The following NKD1 variants were observed in gnomAD, a reference collection of about 807,000 sequenced individuals.
NKD1 encodes the protein protein naked cuticle homolog 1.
Under a neutral mutation model 56.0 loss-of-function variants are expected in NKD1, and 21 were observed. That is an observed-to-expected ratio of 0.38 (90% CI 0.27 to 0.54). The LOEUF (loss-of-function observed/expected upper bound fraction) is 0.54. NKD1 is among the 20% of genes least tolerant of loss of function. The probability of loss-of-function intolerance (pLI) is 0.82; values close to 1 mark genes in which losing one functional copy is unlikely to be tolerated. For missense variants in NKD1, 578 were observed against 642.7 expected, an observed-to-expected ratio of 0.90 and a Z score of 1.09; for synonymous variants, 263 against 265.7, an observed-to-expected ratio of 0.99 and a Z score of 0.10.
At chr16:50,587,250 G>T (rs1245372895) in intron 3 of NKD1, among the ~76,000 whole-genome samples, 1 of 152,178 alleles carries the variant, frequency 6.6e-6, no homozygotes, top group Admixed American at 6.5e-5. Context: ...GGTAGATGGG[G>T]CCTGAGACTC....
At chr16:50,575,314 G>T (rs539665325) in intron 3 of NKD1, 1 of 985,390 alleles carries the variant, frequency 1.0e-6, no homozygotes, top group Non-Finnish European at 1.2e-6. Context: ...TTTTATAGGC[G>T]GGTGGTTCAC....
rs116894320 is a variant in NKD1, at chr16:50,623,631, A to G, written c.367-1854A>G. ...CCCAGGTGGGGTGTGGGAGAGGCCT[A>G]GGAGACCCGCATGTGACAGGTGGGA... is the stretch of plus-strand genomic sequence containing the variant. On this transcript the variant is annotated intron_variant, in intron 5 of 9. Transcript: ENST00000268459. The surrounding 1 kb of genome is among the most constrained non-coding windows in gnomAD (Gnocchi z 4.1). Among the ~76,000 whole-genome samples the G allele has an allele frequency of 1.2e-4, 19 of 152,158 alleles. No individual in the cohort carries two copies. The East Asian group carries it at 3.5e-3, about 28-fold the overall frequency.
intron 4 of NKD1, among the ~76,000 whole-genome samples, chr16:50,614,785 C>T (rs186099129): frequency 6.6e-6 from 1 of 152,266 alleles, no homozygotes. Context: ...GGTTAGATGA[C>T]AATCTTAATA....
rs1824674404 is a variant in NKD1, at chr16:50,623,442, G to C, written c.366+1734G>C. Among the ~76,000 whole-genome samples, 1 of 152,138 alleles carries C rather than the reference G, an allele frequency of 6.6e-6. No individual in the cohort carries two copies. Among genetic ancestry groups the C allele is most frequent in the African/African-American group, 2.4e-5 (1 of 41,434 alleles). ...CCTAAGCCCACCTGGGTCCTTGTAG[G>C]GTCTTTTGGGGAGCTTGGCAAAGCC... On this transcript the variant is annotated intron_variant, in intron 5 of 9. Transcript: ENST00000268459. This position sits in a 1 kb window ranked among gnomAD's most constrained non-coding sequence, Gnocchi z 4.1.
At chr16:50,578,857 T>C (rs964424952) in intron 3 of NKD1, among the ~76,000 whole-genome samples, 1 of 152,180 alleles carries the variant, frequency 6.6e-6, no homozygotes, top group Admixed American at 6.5e-5. Context: ...AATGTCACTA[T>C]GATCACCTGG....
At chr16:50,564,137 T>C (rs1041780437) in intron 3 of NKD1, among the ~76,000 whole-genome samples, 1 of 152,254 alleles carries the variant, frequency 6.6e-6, no homozygotes, top group African/African-American at 2.4e-5. Flanking sequence ...CCCTTCCTTG[T>C]AACATAGCTG....
At chr16:50,576,076 G>T (rs1244578635) in intron 3 of NKD1, among the ~76,000 whole-genome samples, 1 of 152,252 alleles carries the variant, frequency 6.6e-6, no homozygotes, top group Non-Finnish European at 1.5e-5. Context: ...CTGGGCTCAA[G>T]AATATTCTAG....
At chr16:50,554,656 A>G (rs1960462243) in intron 3 of NKD1, among the ~76,000 whole-genome samples, 1 of 152,196 alleles carries the variant, frequency 6.6e-6, no homozygotes, top group South Asian at 2.1e-4. Flanking sequence ...TTTTTTAGAC[A>G]CATAGTTTCA....
intron 3 of NKD1, among the ~76,000 whole-genome samples, chr16:50,605,591 C>CA (rs1334809780): frequency 2.6e-5 from 4 of 152,184 alleles, no homozygotes; most frequent in African/African-American, 9.7e-5. Context: ...ATTCCCTAAG[C>CA]AATACAGTTT....
rs185574290 is a variant in NKD1, at chr16:50,586,071, C to G, written c.193-22223C>G. The stretch of plus-strand genomic sequence containing the variant: ...CTCAGGGAGGTCTTAGATTCACCCT[C>G]CACCCAGGGTGGAGCTGAAAGTTTG... On this transcript the variant is annotated intron_variant, in intron 3 of 9. Transcript: ENST00000268459. Among the ~76,000 whole-genome samples, 512 of 152,248 alleles carry G rather than the reference C, an allele frequency of 3.4e-3. 7 individuals are homozygous for G. Among genetic ancestry groups the G allele is most frequent in the Admixed American group, 0.026 (402 of 15,304 alleles).
intron 3 of NKD1, among the ~76,000 whole-genome samples, chr16:50,593,598 G>A (rs182899595): frequency 4.6e-5 from 7 of 152,266 alleles, no homozygotes; most frequent in African/African-American, 1.4e-4. Context: ...GGCGTGGTGC[G>A]AAGCTCTTAC....
At chr16:50,597,204 G>C (rs1961491173) in intron 3 of NKD1, among the ~76,000 whole-genome samples, 1 of 152,150 alleles carries the variant, frequency 6.6e-6, no homozygotes, top group South Asian at 2.1e-4. Context: ...TGTGTTTTGA[G>C]GGAGAGCCAA....
chr16:50,625,845 G>T (rs953156883), intron 6 of NKD1, among the ~76,000 whole-genome samples: 1 of 94,124 alleles, frequency 1.1e-5, no homozygotes, highest in African/African-American at 3.2e-5. Flanking sequence ...AGAAGTTGGG[G>T]GGGGCAGGTG....
At position 50,633,621 on chromosome 16, in the gene NKD1, C is replaced by T. The variant is rs745582158; in HGVS notation, c.1253C>T (p.Ala418Val). Reference sequence around the variant, plus strand: ...CAGCAGGGCTGCCGGGGCCTGCAGGCACCACTGGCCTCAGGTGGCCCTGTC... The same window carrying T: ...CAGCAGGGCTGCCGGGGCCTGCAGGTACCACTGGCCTCAGGTGGCCCTGTC... ...ESQQGCRGLQ[A>V]PLASGGPVLG... The change falls in exon 10 of 10, where the codon GCA (alanine) becomes GTA (valine). Residue 418 changes from alanine to valine, a missense_variant. By Grantham distance (64) the Ala-to-Val change is moderately conservative (BLOSUM62 0). Coordinates refer to ENST00000268459, the MANE Select transcript of NKD1 (RefSeq NM_033119.5). This position sits in a 1 kb window ranked among gnomAD's most constrained non-coding sequence, Gnocchi z 4.9. 5.6e-6 allele frequency: 9 copies of T among 1,609,706 alleles called. No individual in the cohort carries two copies. In the South Asian group the frequency reaches 9.9e-5, roughly 18 times the overall value.
rs558911091 is a variant in NKD1, at chr16:50,564,886, C to T, written c.192+15331C>T. On this transcript the variant is annotated intron_variant, in intron 3 of 9. Coordinates refer to ENST00000268459, the MANE Select transcript of NKD1 (RefSeq NM_033119.5). Reference sequence around the variant, plus strand: ...AGGTATGCAGTACACAGGAAGCCTCCGCCCACCTCCACCTCCCAGCTTCCC... The same window carrying T: ...AGGTATGCAGTACACAGGAAGCCTCTGCCCACCTCCACCTCCCAGCTTCCC... 7.2e-5 allele frequency among the ~76,000 whole-genome samples: 11 copies of T among 152,264 alleles called. No homozygotes were observed. The East Asian group carries it at 1.5e-3, about 21-fold the overall frequency.
intron 4 of NKD1, among the ~76,000 whole-genome samples, chr16:50,611,571 G>A (rs969157156): frequency 1.3e-5 from 2 of 152,132 alleles, no homozygotes; most frequent in Non-Finnish European, 1.5e-5. Flanking sequence ...GGAGTTGGTG[G>A]TTCTGCCCAG....
rs1300471622 is a variant in NKD1 at position 50,647,660 on chromosome 16, T to C, written c.*13879T>C. On this transcript the variant is annotated 3_prime_UTR_variant, in exon 10 of 10. Coordinates refer to ENST00000268459, the MANE Select transcript of NKD1 (RefSeq NM_033119.5). ...TTTACCCACCCATCCTTGTCAGTCATTGGTCAAGGGCTATTTCTGTGCATA... is the reference window on the plus strand; with the variant it reads ...TTTACCCACCCATCCTTGTCAGTCACTGGTCAAGGGCTATTTCTGTGCATA... 6.6e-6 allele frequency: 1 copy of C among 152,214 alleles called. No individual in the cohort carries two copies. The highest frequency in any genetic ancestry group is 2.4e-5 in the African/African-American group (1 of 41,444). 9.4% of individuals were successfully genotyped at this position (152,214 alleles called of 1,614,324 possible). A position where few individuals can be genotyped will look rare whatever the true frequency, so the allele number is the denominator to read the frequency against.
At position 50,630,209 on chromosome 16, in the gene NKD1, C is replaced by T. The variant is rs1962311556; in HGVS notation, c.486C>T (p.Thr162=). ...AGGACATCACCAGCTTGCTGCACAC[C>T]ATCTATGAGGTGGTGGACTCCTCTG... ...TREDITSLLH[T]IYEVVDSSVN... Residue 162 remains threonine (T), a synonymous_variant, in exon 7 of 10, where the codon ACC becomes ACT. Coordinates refer to ENST00000268459, the MANE Select transcript of NKD1 (RefSeq NM_033119.5). 1 of 1,614,098 alleles carries T rather than the reference C, an allele frequency of 6.2e-7. No homozygotes were observed. The highest frequency in any genetic ancestry group is 8.5e-7 in the Non-Finnish European group (1 of 1,179,986).
chr16:50,566,586 G>A (rs989390483), intron 3 of NKD1, among the ~76,000 whole-genome samples: 2 of 152,234 alleles, frequency 1.3e-5, no homozygotes, highest in Non-Finnish European at 2.9e-5. Flanking sequence ...CTTGAGAGGA[G>A]AAGGCTGTAG....
Sources: gnomAD v4.1 joint callset for allele counts (sites outside exome capture counted in the v4.1 genomes callset) on GRCh38, gnomAD v4.1.1 for gene constraint, Gnocchi (gnomAD v3.1) non-coding constraint, MANE v1.5 for transcripts, NCBI Gene and HGNC (gene_info 2026-07-23, HGNC 2026-07-21) for gene names.